Variants in COL6A6 observed in about 807,000 individuals in gnomAD.
The protein encoded by COL6A6 is collagen type VI alpha 6 chain, also known as collagen alpha-6(VI) chain.
COL6A6 carries 183 observed loss-of-function variants against 208.6 expected under a neutral mutation model. The observed-to-expected ratio is 0.88, with a 90% CI of 0.78 to 0.99. COL6A6 has a LOEUF of 0.99. Among genes scored for constraint, COL6A6 ranks in the 50% least tolerant of loss-of-function variants. COL6A6 has a pLI of 0.00. For synonymous variants in COL6A6, 973 were observed against 1,011.8 expected (o/e 0.96, Z 0.73); for missense variants, 2,816 against 2,815.2 (o/e 1.00, Z -0.01).
At position 130,570,991 on chromosome 3, in the gene COL6A6, G is replaced by A. The variant is rs1274482933; in HGVS notation, c.2575G>A (p.Val859Met). The A allele has an allele frequency of 6.2e-7, 1 of 1,613,906 alleles. No individual in the cohort carries two copies. The highest frequency in any genetic ancestry group is 8.5e-7 in the Non-Finnish European group (1 of 1,179,896). ...GALKYADDPEVLFYLDDFGTK... is the reference protein window; with the variant it reads ...GALKYADDPEMLFYLDDFGTK... ...TCTGAAGTATGCTGATGACCCAGAG[G>A]TGCTGTTTTATCTGGATGACTTTGG... The change falls in exon 7 of 37, where the codon GTG (valine) becomes ATG (methionine). Residue 859 changes from valine to methionine, a missense_variant. Transcript: ENST00000358511.
At chr3:130,628,333 G>C (rs1248404006) in intron 26 of COL6A6, among the ~76,000 whole-genome samples, 1 of 152,136 alleles carries the variant, frequency 6.6e-6, no homozygotes, top group African/African-American at 2.4e-5. Context: ...GAATGTATAT[G>C]AAGTTTATAA....
rs2107867406 is a variant in COL6A6 at position 130,563,275 on chromosome 3, T to C, written c.272T>C (p.Leu91Pro). 6.2e-7 allele frequency: 1 copy of C among 1,614,056 alleles called. No individual in the cohort carries two copies. Among genetic ancestry groups the C allele is most frequent in the East Asian group, 2.2e-5 (1 of 44,890 alleles). ...ACCTTCAAAGGCAGGAGCCCCATGC[T>C]GAACCACCTAAGGAAGAACTTTGGA... Reference protein sequence around the residue: ...LSTFKGRSPMLNHLRKNFGFI... With the variant: ...LSTFKGRSPMPNHLRKNFGFI... The change falls in exon 3 of 37, where the codon CTG becomes CCG. Residue 91 changes from leucine to proline, a missense_variant. Transcript: ENST00000358511.
intron 1 of COL6A6, among the ~76,000 whole-genome samples, chr3:130,523,055 C>G (rs753023654): frequency 3.3e-5 from 5 of 151,906 alleles, no homozygotes; most frequent in Non-Finnish European, 7.4e-5. Context: ...ATCCTCCCAC[C>G]ACTCCACCTT....
intron 1 of COL6A6, among the ~76,000 whole-genome samples, chr3:130,535,835 A>G (rs1307066532): frequency 6.6e-6 from 1 of 152,136 alleles, no homozygotes; most frequent in African/African-American, 2.4e-5. Context: ...TTCCAGTAAA[A>G]CACTTTGATT....
intron 33 of COL6A6, among the ~76,000 whole-genome samples, chr3:130,658,368 C>T (rs2065850690): frequency 6.6e-6 from 1 of 152,226 alleles, no homozygotes. Flanking sequence ...ACCACCCACA[C>T]TGTACTGTCT....
At chr3:130,657,539 C>A (rs774265043) in intron 33 of COL6A6, among the ~76,000 whole-genome samples, 24 of 152,304 alleles carry the variant, frequency 1.6e-4, no homozygotes, top group Non-Finnish European at 1.6e-4. Flanking sequence ...TGAAGCATAG[C>A]CGCTATGATT....
At chr3:130,590,329 T>TTTTTA (rs2063672390) in intron 12 of COL6A6, among the ~76,000 whole-genome samples, 2 of 112,406 alleles carry the variant, frequency 1.8e-5, no homozygotes, top group Non-Finnish European at 3.6e-5. Flanking sequence ...TTTTTTTTTT[T>TTTTTA]ACTATAAGTT....
At chr3:130,616,872 A>C (rs190980281) in intron 23 of COL6A6, among the ~76,000 whole-genome samples, 2 of 152,276 alleles carry the variant, frequency 1.3e-5, no homozygotes, top group East Asian at 3.9e-4. Flanking sequence ...TCAGTTTTTT[A>C]CTGTAATTAT....
chr3:130,553,378 C>G (rs2062691619), intron 1 of COL6A6, among the ~76,000 whole-genome samples: 1 of 151,896 alleles, frequency 6.6e-6, no homozygotes, highest in Admixed American at 6.6e-5. Context: ...TTATTTTTGT[C>G]TGACTGGGTT....
At chr3:130,635,315 A>G (rs776728086) in intron 27 of COL6A6, among the ~76,000 whole-genome samples, 1 of 152,244 alleles carries the variant, frequency 6.6e-6, no homozygotes, top group Non-Finnish European at 1.5e-5. Context: ...CAGTTTTCCC[A>G]ATATGTTTAT....
At chr3:130,530,542 A>C (rs1291839582) in intron 1 of COL6A6, among the ~76,000 whole-genome samples, 1 of 152,236 alleles carries the variant, frequency 6.6e-6, no homozygotes, top group East Asian at 1.9e-4. Flanking sequence ...TAGTATTATT[A>C]ACTGTGCAAC....
At chr3:130,520,724 G>A (rs1035507934) in intron 1 of COL6A6, among the ~76,000 whole-genome samples, 3 of 152,094 alleles carry the variant, frequency 2.0e-5, no homozygotes, top group Admixed American at 6.5e-5. Flanking sequence ...AATTCCTAAC[G>A]TGAAAAATCT....
chr3:130,527,192 AAG>A (rs1193315199), intron 1 of COL6A6, among the ~76,000 whole-genome samples: 1 of 152,246 alleles, frequency 6.6e-6, no homozygotes, highest in Admixed American at 6.5e-5. Flanking sequence ...AATGGCAGTC[AAG>A]AGTTATTCTA....
Position 130,675,269 on chromosome 3 carries a change from G to T in COL6A6, c.6664G>T (p.Asp2222Tyr). Residue 2222 changes from aspartate (D) to tyrosine (Y), a missense_variant, in exon 37 of 37, where the codon GAT becomes TAT. Asp to Tyr is a radical substitution (Grantham distance 160). Transcript: ENST00000358511. ...ATTACAGAAGGCAAAATTCTTTCAAGATAAAAAATATCTTTCAAGAGTAGC... is the reference window on the plus strand; with the variant it reads ...ATTACAGAAGGCAAAATTCTTTCAATATAAAAAATATCTTTCAAGAGTAGC... ...DVLQKAKFFQ[D>Y]KKYLSRVARS... 1 of 1,585,938 alleles carries T rather than the reference G, an allele frequency of 6.3e-7. No homozygotes were observed. The highest frequency in any genetic ancestry group is 8.6e-7 in the Non-Finnish European group (1 of 1,164,822).
chr3:130,589,453 G>A (rs939707416), intron 12 of COL6A6, among the ~76,000 whole-genome samples: 2 of 152,166 alleles, frequency 1.3e-5, no homozygotes, highest in African/African-American at 4.8e-5. Flanking sequence ...TGACAATGAT[G>A]CAGAAAAATC....
At chr3:130,567,290 G>A (rs2063050809) in intron 5 of COL6A6, 28 bp downstream of exon 5, 1 of 1,531,348 alleles carries the variant, frequency 6.5e-7, no homozygotes, top group South Asian at 1.2e-5. Flanking sequence ...TTTACCTACT[G>A]ACCTTCACTC....
intron 1 of COL6A6, among the ~76,000 whole-genome samples, chr3:130,544,151 C>CT (rs2062439456): frequency 6.6e-6 from 1 of 152,158 alleles, no homozygotes; most frequent in African/African-American, 2.4e-5. Context: ...CCTATATCTC[C>CT]TTATATCCTC....
intron 12 of COL6A6, among the ~76,000 whole-genome samples, chr3:130,589,755 A>G (rs578232590): frequency 6.6e-6 from 1 of 152,258 alleles, no homozygotes; most frequent in African/African-American, 2.4e-5. Context: ...CAGAAAAAGT[A>G]TATGTACCCT....
Position 130,581,669 on chromosome 3 carries a change from G to T in COL6A6, c.3656G>T (p.Arg1219Leu). The T allele has an allele frequency of 6.2e-7, 1 of 1,613,924 alleles. No homozygotes were observed. The highest frequency in any genetic ancestry group is 1.1e-5 in the South Asian group (1 of 91,074). Residue 1219 changes from arginine (R) to leucine (L), a missense_variant, in exon 9 of 37, where the codon CGT becomes CTT. Transcript: ENST00000358511. ...GAAACCTACCTTCAAGACATCTTAC[G>T]TGCCATCAGCTCCCTCAATGGAGTA... is the stretch of plus-strand genomic sequence containing the variant. ...WMETYLQDILRAISSLNGVSC... is the reference protein window; with the variant it reads ...WMETYLQDILLAISSLNGVSC...
Sources: gnomAD v4.1 joint callset for allele counts (sites outside exome capture counted in the v4.1 genomes callset) on GRCh38, gnomAD v4.1.1 for gene constraint, MANE v1.5 for transcripts, NCBI Gene and HGNC (gene_info 2026-07-23, HGNC 2026-07-21) for gene names.